Variants in CPNE6 observed in about 807,000 individuals in gnomAD.
CPNE6 encodes the protein copine 6.
In CPNE6, 33 loss-of-function variants were observed where a neutral mutation model predicts 71.5. The ratio of observed to expected loss-of-function variants is 0.46; its 90% CI spans 0.35 to 0.62. The LOEUF is 0.62. Among genes scored for constraint, CPNE6 ranks in the 20% least tolerant of loss-of-function variants. The pLI, the probability that CPNE6 is intolerant of heterozygous loss-of-function variation, is 0.00. For missense variants in CPNE6, 576 were observed against 747.3 expected, an observed-to-expected ratio of 0.77 and a Z score of 2.67; for synonymous variants, 296 against 293.0, an observed-to-expected ratio of 1.01 and a Z score of -0.10.
intron 14 of CPNE6, 97 bp downstream of exon 13, chr14:24,076,654 C>T: frequency 6.5e-7 from 1 of 1,535,446 alleles, no homozygotes; most frequent in Non-Finnish European, 9.0e-7. Flanking sequence ...CCTGTCCCTT[C>T]CACCCATCCC....
intron 2 of CPNE6, 29 bp downstream of exon 1, chr14:24,071,670 C>A: frequency 1.3e-6 from 1 of 774,398 alleles, no homozygotes; most frequent in Non-Finnish European, 2.2e-6. Context: ...CCCAGCCCAG[C>A]CCCAGCCCAG....
Position 24,075,809 on chromosome 14 carries a change from C to A in CPNE6, c.865-18C>A, listed in dbSNP as rs774794971. On this transcript the variant is annotated intron_variant, in intron 10 of 17. Coordinates refer to ENST00000397016, the Ensembl canonical transcript of CPNE6. The surrounding 1 kb of genome is among the most constrained non-coding windows in gnomAD (Gnocchi z 4.3). ...GGACCACCCCATCCCCTCGCCTTAC[C>A]CCTCTCCCTACCTCCAGGTGGAGAA... 1.9e-6 allele frequency: 3 copies of A among 1,613,102 alleles called. No individual in the cohort carries two copies. In the African/African-American group the frequency reaches 4.0e-5, roughly 22 times the overall value.
chr14:24,072,751 C>A, intron 2 of CPNE6, 182 bp from the exon 2 acceptor site: 1 of 472,356 alleles, frequency 2.1e-6, no homozygotes, highest in African/African-American at 2.0e-5. Flanking sequence ...GAGTGGGAGG[C>A]TCAGGTCCTC....
intron 14 of CPNE6, 72 bp from the exon 14 acceptor site, chr14:24,076,807 C>G (rs1384458558): frequency 8.1e-6 from 13 of 1,601,640 alleles, no homozygotes; most frequent in Non-Finnish European, 1.1e-5. Flanking sequence ...GGAAGCATTT[C>G]CTTGCTTTAA....
At chr14:24,072,822 G>C (rs1335527422) in intron 2 of CPNE6, 111 bp from the exon 2 acceptor site, 1 of 1,021,438 alleles carries the variant, frequency 9.8e-7, no homozygotes, top group African/African-American at 1.7e-5. Flanking sequence ...TGAGGCCCCA[G>C]GGTCTAGGGA....
Position 24,077,845 on chromosome 14 carries a change from T to C in CPNE6, c.*38-43T>C. ...TGGTAGAGCCCAACTAGGCTGGGTG[T>C]AGTGTAGAAGAGAGTGCTTATGACT... On this transcript the variant is annotated intron_variant, in intron 17 of 17. Transcript: ENST00000397016. The surrounding 1 kb of genome is among the most constrained non-coding windows in gnomAD (Gnocchi z 6.1). 8.2e-7 allele frequency: 1 copy of C among 1,226,262 alleles called. No homozygotes were observed. The allele number at this position is 1,226,262 out of a possible 1,614,324, so 76.0% of individuals were successfully genotyped here.
rs1381253916 is a variant in CPNE6, at chr14:24,073,415, C to G, written c.169-84C>G. The G allele has an allele frequency of 1.4e-6, 2 of 1,442,120 alleles. No individual in the cohort carries two copies. Among genetic ancestry groups the G allele is most frequent in the Non-Finnish European group, 1.9e-6 (2 of 1,064,570 alleles). The allele number at this position is 1,442,120 out of a possible 1,614,324, so 89.3% of individuals were successfully genotyped here. A position where few individuals can be genotyped will look rare whatever the true frequency, so the allele number is the denominator to read the frequency against. ...TGGGGACGTGGGGGCCCAAGAAGAGCTGGCATGACTAGGGCAGTCCAGGAC... is the reference window on the plus strand; with the variant it reads ...TGGGGACGTGGGGGCCCAAGAAGAGGTGGCATGACTAGGGCAGTCCAGGAC... On this transcript the variant is annotated intron_variant, in intron 3 of 17. Transcript: ENST00000397016. The surrounding 1 kb of genome is among the most constrained non-coding windows in gnomAD (Gnocchi z 5.5).
At position 24,075,577 on chromosome 14, in the gene CPNE6, C is replaced by A. The variant is rs2036034507; in HGVS notation, c.850C>A (p.Leu284Met). ...TTACAAGAGCTCAGGGACGGTAGTG[C>A]TGGCCCAGTGCACGGTAAATTTCAC... The change falls in exon 10 of 18, where the codon CTG becomes ATG. Residue 284 changes from leucine (L) to methionine (M), a missense_variant. By Grantham distance (15) the Leu-to-Met change is conservative. Around this residue, in one of 4 missense-constraint regions of CPNE6, gnomAD observed 214 missense variants for 291.2 expected, o/e 0.73. Transcript: ENST00000397016. The surrounding 1 kb of genome is among the most constrained non-coding windows in gnomAD (Gnocchi z 4.3). 6.8e-6 allele frequency: 11 copies of A among 1,611,088 alleles called. No homozygotes were observed. The highest frequency in any genetic ancestry group is 9.3e-6 in the Non-Finnish European group (11 of 1,178,644).
At chr14:24,072,007 A>G in intron 2 of CPNE6, 1 of 232,308 alleles carries the variant, frequency 4.3e-6, no homozygotes, top group Non-Finnish European at 8.5e-6. Context: ...AGACACACCA[A>G]TGCACACTCA....
In CPNE6 at chr14:24,076,433, A is replaced by G. The variant is rs769919760; in HGVS notation, c.1113+19A>G. The stretch of plus-strand genomic sequence containing the variant: ...CTTCGAGGTAGGCTAGATGCGAGGG[A>G]AAGAAGGAGATGGGGGGCGTGTCAG... On this transcript the variant is annotated intron_variant, in intron 13 of 17. Transcript: ENST00000397016. 6.2e-7 allele frequency: 1 copy of G among 1,614,142 alleles called. No homozygotes were observed. The highest frequency in any genetic ancestry group is 8.5e-7 in the Non-Finnish European group (1 of 1,180,008).
chr14:24,072,278 A>C (rs1274124939), intron 2 of CPNE6: 4 of 152,128 alleles, frequency 2.6e-5, no homozygotes, highest in Admixed American at 1.3e-4. Context: ...GTGGGGAGGG[A>C]TGTGAGGCTT....
chr14:24,075,635 C>A lies in CPNE6; in HGVS notation c.864+44C>A. 6.6e-7 allele frequency: 1 copy of A among 1,510,374 alleles called. No homozygotes were observed. Among genetic ancestry groups the A allele is most frequent in the Non-Finnish European group, 9.1e-7 (1 of 1,097,840 alleles). The allele number at this position is 1,510,374 out of a possible 1,614,324, so 93.6% of individuals were successfully genotyped here. A position where few individuals can be genotyped will look rare whatever the true frequency, so the allele number is the denominator to read the frequency against. ...TTCAAGCCTTGCCCCAGCCCCTGCCCCTACCACACTCTCAGGTTCAACCCT... is the reference window on the plus strand; with the variant it reads ...TTCAAGCCTTGCCCCAGCCCCTGCCACTACCACACTCTCAGGTTCAACCCT... On this transcript the variant is annotated intron_variant, in intron 10 of 17. Coordinates refer to ENST00000397016, the Ensembl canonical transcript of CPNE6. This position sits in a 1 kb window ranked among gnomAD's most constrained non-coding sequence, Gnocchi z 4.3.
Position 24,074,122 on chromosome 14 carries a change from C to T in CPNE6, c.420C>T (p.Ile140=). 2 of 1,614,062 alleles carry T rather than the reference C, an allele frequency of 1.2e-6. No homozygotes were observed. The highest frequency in any genetic ancestry group is 8.5e-7 in the Non-Finnish European group (1 of 1,179,902). The change falls in exon 5 of 18, where the codon ATC becomes ATT. Residue 140 remains isoleucine (I), a synonymous_variant. Transcript: ENST00000397016. The surrounding 1 kb of genome is among the most constrained non-coding windows in gnomAD (Gnocchi z 4.5). The stretch of plus-strand genomic sequence containing the variant: ...GGAAGACTGCGGGCAAGTCCACCAT[C>T]ACGGTAGGCAAGATCACCTGTACTC...
At position 24,074,412 on chromosome 14, in the gene CPNE6, G is replaced by A. The variant is rs1439684772; in HGVS notation, c.498+47G>A. ...CCCCCAACTCCCCTGTCACTCCTAG[G>A]CCTCCCACTCAAGACAGATCCCAGG... On this transcript the variant is annotated intron_variant, in intron 6 of 17. Coordinates refer to ENST00000397016, the Ensembl canonical transcript of CPNE6. This position sits in a 1 kb window ranked among gnomAD's most constrained non-coding sequence, Gnocchi z 4.5. 5.8e-6 allele frequency: 9 copies of A among 1,554,222 alleles called. No individual in the cohort carries two copies. The highest frequency in any genetic ancestry group is 6.1e-6 in the Non-Finnish European group (7 of 1,147,114).
chr14:24,076,669 C>T, intron 14 of CPNE6, 112 bp downstream of exon 13: 1 of 1,505,314 alleles, frequency 6.6e-7, no homozygotes, highest in Non-Finnish European at 9.2e-7. Flanking sequence ...CATCCCAGGC[C>T]TGTCTTTATC....
chr14:24,076,646 T>C, intron 14 of CPNE6, 89 bp downstream of exon 13: 1 of 1,560,726 alleles, frequency 6.4e-7, no homozygotes. Context: ...CCCAGCTTCC[T>C]GTCCCTTCCA....
chr14:24,075,339 G>A lies in CPNE6; in HGVS notation c.777+63G>A. 1 of 1,490,264 alleles carries A rather than the reference G, an allele frequency of 6.7e-7. No homozygotes were observed. Among genetic ancestry groups the A allele is most frequent in the South Asian group, 1.1e-5 (1 of 88,542 alleles). The allele number at this position is 1,490,264 out of a possible 1,614,324, so 92.3% of individuals were successfully genotyped here. A position where few individuals can be genotyped will look rare whatever the true frequency, so the allele number is the denominator to read the frequency against. ...TCCCTGGGAGAATCCTGAGGGTGAT[G>A]CTGAAGAGACCACCATAGGTGATAG... is the stretch of plus-strand genomic sequence containing the variant. On this transcript the variant is annotated intron_variant, in intron 9 of 17. Transcript: ENST00000397016. The surrounding 1 kb of genome is among the most constrained non-coding windows in gnomAD (Gnocchi z 4.3).
In CPNE6 at chr14:24,071,474, C is replaced by T. The variant is rs2035894227; in HGVS notation, c.-119-53C>T. 15 of 1,525,906 alleles carry T rather than the reference C, an allele frequency of 9.8e-6. No individual in the cohort carries two copies. In the South Asian group the frequency reaches 1.7e-4, roughly 17 times the overall value. The allele number at this position is 1,525,906 out of a possible 1,614,324, so 94.5% of individuals were successfully genotyped here. A position where few individuals can be genotyped will look rare whatever the true frequency, so the allele number is the denominator to read the frequency against. ...CCCTTCCCTCTTCTCCCTCCCAATC[C>T]ATCCACGCGGGGGGAGCTGGTGCTG... is the stretch of plus-strand genomic sequence containing the variant. On this transcript the variant is annotated intron_variant, in intron 1 of 17. Coordinates refer to ENST00000397016, the Ensembl canonical transcript of CPNE6.
Position 24,074,818 on chromosome 14 carries a change from A to C in CPNE6, c.672+23A>C. ...AAGGTGAAGTCCCAGCCAAGCCAGC[A>C]CAGCCTACTTAGAGCAACCAATCTG... On this transcript the variant is annotated intron_variant, in intron 8 of 17. Coordinates refer to ENST00000397016, the Ensembl canonical transcript of CPNE6. The surrounding 1 kb of genome is among the most constrained non-coding windows in gnomAD (Gnocchi z 4.5). 1.2e-6 allele frequency: 2 copies of C among 1,601,440 alleles called. No individual in the cohort carries two copies. The highest frequency in any genetic ancestry group is 1.7e-6 in the Non-Finnish European group (2 of 1,172,442).
Sources: allele counts gnomAD v4.1 joint callset, GRCh38; gene constraint gnomAD v4.1.1; regional missense constraint gnomAD v4.1.1; non-coding constraint Gnocchi (gnomAD v3.1); transcripts MANE v1.5; gene names NCBI Gene and HGNC (gene_info 2026-07-23, HGNC 2026-07-21).